ZNF440: variants seen among roughly 807,000 people sequenced by gnomAD.
The protein encoded by ZNF440 is zinc finger protein 440.
ZNF440 carries 47 observed loss-of-function variants against 49.7 expected under a neutral mutation model. The observed-to-expected ratio is 0.95, with a 90% CI of 0.75 to 1.21. ZNF440 has a LOEUF of 1.21. ZNF440 is among the 50% of genes most tolerant of loss of function. ZNF440 has a pLI of 0.00. For synonymous variants in ZNF440, 255 were observed against 237.7 expected, an observed-to-expected ratio of 1.07 and a Z score of -0.67; for missense variants, 703 against 715.0, an observed-to-expected ratio of 0.98 and a Z score of 0.19.
chr19:11,833,705 A>G lies in ZNF440; in HGVS notation c.*741A>G, dbSNP rs1297189889. The G allele has an allele frequency of 1.3e-5, 8 of 637,976 alleles. No homozygotes were observed. The highest frequency in any genetic ancestry group is 4.4e-5 in the East Asian group (1 of 22,566). The allele number at this position is 637,976 out of a possible 1,614,324, so 39.5% of individuals were successfully genotyped here. ...CCTTCATTTCTTCTAGTTCCCTTCA[A>G]TATCATGAAAGGACTCACACTGGAG... is the stretch of plus-strand genomic sequence containing the variant. On this transcript the variant is annotated 3_prime_UTR_variant, in exon 4 of 4. Transcript: ENST00000304060.
In ZNF440 at chr19:11,814,293, G is replaced by T. The variant is rs1975703739; in HGVS notation, c.-155G>T. The T allele has an allele frequency of 1.3e-6, 1 of 757,534 alleles. No individual in the cohort carries two copies. 46.9% of individuals were successfully genotyped at this position (757,534 alleles called of 1,614,324 possible). A position where few individuals can be genotyped will look rare whatever the true frequency, so the allele number is the denominator to read the frequency against. ...CAGTCGCCCTCCGTCCATTCCTTTA[G>T]TGCTGCGCCGACAGCGGTCAGGATC... On this transcript the variant is annotated 5_prime_UTR_variant, in exon 1 of 4. Transcript: ENST00000304060.
chr19:11,818,258 C>T (rs1172486048), intron 1 of ZNF440, among the ~76,000 whole-genome samples: 1 of 151,946 alleles, frequency 6.6e-6, no homozygotes, highest in Admixed American at 6.6e-5. Flanking sequence ...CTTGAAAGCA[C>T]ATATTATTAT....
intron 1 of ZNF440, among the ~76,000 whole-genome samples, chr19:11,820,957 G>A (rs550036516): frequency 6.2e-4 from 94 of 152,206 alleles, no homozygotes; most frequent in South Asian, 8.3e-4. Flanking sequence ...ACACAATGCC[G>A]TGTTGGTGGG....
intron 1 of ZNF440, among the ~76,000 whole-genome samples, chr19:11,826,662 CTTTTT>C (rs112043377): frequency 7.0e-6 from 1 of 142,292 alleles, no homozygotes; most frequent in Admixed American, 7.1e-5. Flanking sequence ...ATTTTTTTTC[CTTTTT>C]TTTTTTTTTT....
At position 11,815,284 on chromosome 19, in the gene ZNF440, T is replaced by TCACACACACACACACACACACACACA. The variant is rs3223082; in HGVS notation, c.3+851_3+876dup. 1.3e-3 allele frequency among the ~76,000 whole-genome samples: 161 copies of TCACACACACACACACACACACACACA among 121,112 alleles called. 1 individual carries two copies. Among genetic ancestry groups the TCACACACACACACACACACACACACA allele is most frequent in the South Asian group, 3.1e-3 (11 of 3,528 alleles). The allele number at this position is 121,112 out of a possible 152,430, so 79.5% of individuals were successfully genotyped here. A position where few individuals can be genotyped will look rare whatever the true frequency, so the allele number is the denominator to read the frequency against. On this transcript the variant is annotated intron_variant, in intron 1 of 3. Coordinates refer to ENST00000304060, the MANE Select transcript of ZNF440 (RefSeq NM_152357.3). ...AGAGCGAGACAACTGGGCAACTCCG[T>TCACACACACACACACACACACACACA]CACACACACACACACACACACACAC...
intron 3 of ZNF440, among the ~76,000 whole-genome samples, chr19:11,830,881 G>C (rs1975928492): frequency 6.6e-6 from 1 of 152,230 alleles, no homozygotes; most frequent in Non-Finnish European, 1.5e-5. Context: ...AGTGGAGATA[G>C]GAGGATAGCT....
At chr19:11,824,680 C>T (rs1357700642) in intron 1 of ZNF440, among the ~76,000 whole-genome samples, 1 of 149,628 alleles carries the variant, frequency 6.7e-6, no homozygotes, top group Non-Finnish European at 1.5e-5. Flanking sequence ...CATTTTTATT[C>T]CAGGCTCATA....
chr19:11,833,785 T>G lies in ZNF440; in HGVS notation c.*821T>G. 1.2e-6 allele frequency: 1 copy of G among 849,876 alleles called. No individual in the cohort carries two copies. Among genetic ancestry groups the G allele is most frequent in the South Asian group, 1.9e-5 (1 of 53,870 alleles). 52.6% of individuals were successfully genotyped at this position (849,876 alleles called of 1,614,324 possible). A position where few individuals can be genotyped will look rare whatever the true frequency, so the allele number is the denominator to read the frequency against. On this transcript the variant is annotated 3_prime_UTR_variant, in exon 4 of 4. Coordinates refer to ENST00000304060, the MANE Select transcript of ZNF440 (RefSeq NM_152357.3). ...AAAGCCTTCAGATCAGCCTCGCACC[T>G]TCAAATGCATGGAAGGACTCACACT...
At chr19:11,818,579 T>A (rs1489526164) in intron 1 of ZNF440, among the ~76,000 whole-genome samples, 1 of 152,094 alleles carries the variant, frequency 6.6e-6, no homozygotes, top group Non-Finnish European at 1.5e-5. Flanking sequence ...ATAGACAATA[T>A]CTTGCTCTGT....
chr19:11,825,797 T>TTTTTTTTTC lies in ZNF440; in HGVS notation c.4-4482_4-4481insTTTTCTTTT, dbSNP rs1555691323. On this transcript the variant is annotated intron_variant, in intron 1 of 3. Coordinates refer to ENST00000304060, the MANE Select transcript of ZNF440 (RefSeq NM_152357.3). ...ATGTCCGGCCACTGATTTTCTTTTT[T>TTTTTTTTTC]TTTTCTTTTCTTTTCTTTTCTTTTT... 4.8e-5 allele frequency among the ~76,000 whole-genome samples: 7 copies of TTTTTTTTTC among 144,890 alleles called. No individual in the cohort carries two copies. The East Asian group carries it at 1.4e-3, about 28-fold the overall frequency.
intron 1 of ZNF440, among the ~76,000 whole-genome samples, chr19:11,826,738 A>C (rs1392469000): frequency 1.3e-5 from 2 of 148,614 alleles, no homozygotes; most frequent in Non-Finnish European, 3.0e-5. Flanking sequence ...ATCTCAGCTC[A>C]CTGCAGCCTC....
Position 11,831,629 on chromosome 19 carries a change from A to T in ZNF440, c.453A>T (p.Lys151Asn), listed in dbSNP as rs1975940241. 1.2e-6 allele frequency: 2 copies of T among 1,614,202 alleles called. No homozygotes were observed. Residue 151 changes from lysine to asparagine, a missense_variant, in exon 4 of 4, where the codon AAA becomes AAT. Transcript: ENST00000304060. ...PKPCKCQQPK[K>N]AFRYRPSFRT... The stretch of plus-strand genomic sequence containing the variant: ...CATGTAAGTGTCAACAACCTAAAAA[A>T]GCCTTCAGATACCGCCCCTCCTTTA...
At chr19:11,818,229 CA>C (rs1300914012) in intron 1 of ZNF440, among the ~76,000 whole-genome samples, 1 of 151,690 alleles carries the variant, frequency 6.6e-6, no homozygotes, top group Non-Finnish European at 1.5e-5. Flanking sequence ...ACGAAACAAA[CA>C]AAAAAAACTA....
At chr19:11,825,390 C>A (rs1975851412) in intron 1 of ZNF440, among the ~76,000 whole-genome samples, 1 of 152,164 alleles carries the variant, frequency 6.6e-6, no homozygotes, top group African/African-American at 2.4e-5. Context: ...TCCACCATCA[C>A]AGTCTTATAG....
Position 11,832,814 on chromosome 19 carries a change from C to A in ZNF440, c.1638C>A (p.Ser546Arg). The change falls in exon 4 of 4, where the codon AGC becomes AGA. Residue 546 changes from serine (S) to arginine (R), a missense_variant. Ser to Arg is a moderately radical substitution (Grantham distance 110). Transcript: ENST00000304060. ...LTLKRNPMSV[S>R]NDGKPSDLPH... ...TGAAGAGAAACCCTATGAGTGTGAG[C>A]AATGACGGAAAGCCTTCAGATCTGC... The A allele has an allele frequency of 6.2e-7, 1 of 1,613,902 alleles. No homozygotes were observed. The highest frequency in any genetic ancestry group is 8.5e-7 in the Non-Finnish European group (1 of 1,179,976).
rs1338471654 is a variant in ZNF440, at chr19:11,832,209, T to C, written c.1033T>C (p.Cys345Arg). 1.1e-5 allele frequency: 17 copies of C among 1,614,054 alleles called. No homozygotes were observed. The highest frequency in any genetic ancestry group is 1.3e-5 in the Non-Finnish European group (15 of 1,180,028). Residue 345 changes from cysteine (C) to arginine (R), a missense_variant, in exon 4 of 4, where the codon TGT becomes CGT. Coordinates refer to ENST00000304060, the MANE Select transcript of ZNF440 (RefSeq NM_152357.3). ...AGAAAGACCTTATGAATGTAAGATA[T>C]GTGGAAAAGACTTTTGTTCTGTGAA... ...SGERPYECKI[C>R]GKDFCSVNSF...
chr19:11,833,092 A>T lies in ZNF440; in HGVS notation c.*128A>T. 6.7e-7 allele frequency: 1 copy of T among 1,492,742 alleles called. No homozygotes were observed. The allele number at this position is 1,492,742 out of a possible 1,614,324, so 92.5% of individuals were successfully genotyped here. ...CCTATGAGTGTAAGCAATGTGGGAAAGCCTTTGTTTCCTTCACTTCCTTTC... is the reference window on the plus strand; with the variant it reads ...CCTATGAGTGTAAGCAATGTGGGAATGCCTTTGTTTCCTTCACTTCCTTTC... On this transcript the variant is annotated 3_prime_UTR_variant, in exon 4 of 4. Transcript: ENST00000304060.
chr19:11,831,282 GT>G, intron 3 of ZNF440, 85 bp from the exon 4 acceptor site: 1 of 1,500,570 alleles, frequency 6.7e-7, no homozygotes, highest in Non-Finnish European at 8.9e-7. Flanking sequence ...GATGGAGAGT[GT>G]TAAAAATGCA....
In ZNF440 at chr19:11,831,577, A is replaced by G. The variant is rs1975939100; in HGVS notation, c.401A>G (p.Tyr134Cys). 4 of 1,614,178 alleles carry G rather than the reference A, an allele frequency of 2.5e-6. No individual in the cohort carries two copies. The highest frequency in any genetic ancestry group is 4.5e-5 in the East Asian group (2 of 44,874). Reference sequence around the variant, plus strand: ...AGAGGTGACATTGGACACAAGGCATATGAGTATCAGGAATATGGACCAAAG... The same window carrying G: ...AGAGGTGACATTGGACACAAGGCATGTGAGTATCAGGAATATGGACCAAAG... ...NIRGDIGHKA[Y>C]EYQEYGPKPC... Residue 134 changes from tyrosine (Y) to cysteine (C), a missense_variant, in exon 4 of 4, where the codon TAT becomes TGT. Physicochemically the swap from Tyr to Cys is radical, Grantham distance 194. Coordinates refer to ENST00000304060, the MANE Select transcript of ZNF440 (RefSeq NM_152357.3).
Sources: gnomAD v4.1 joint callset for allele counts (sites outside exome capture counted in the v4.1 genomes callset) on GRCh38, gnomAD v4.1.1 for gene constraint, MANE v1.5 for transcripts, NCBI Gene and HGNC (gene_info 2026-07-23, HGNC 2026-07-21) for gene names.